Variants in SLFN14 observed in about 807,000 individuals in gnomAD.
The protein encoded by SLFN14 is schlafen family member 14.
In SLFN14, 47 loss-of-function variants were observed where a neutral mutation model predicts 58.6. That is an observed-to-expected ratio of 0.80 (90% confidence interval 0.64 to 1.02). The LOEUF (loss-of-function observed/expected upper bound fraction) is 1.02. SLFN14 is among the 50% of genes least tolerant of loss of function. The probability of loss-of-function intolerance (pLI) is 0.00; values close to 1 mark genes in which losing one functional copy is unlikely to be tolerated. For missense variants in SLFN14, 967 were observed against 1,078.4 expected (o/e 0.90, Z 1.45); for synonymous variants, 390 against 387.3 (o/e 1.01, Z -0.08).
rs531734322 is a variant in SLFN14 at position 35,546,999 on chromosome 17, G to T, written c.*1240C>A. 2.6e-5 allele frequency among the ~76,000 whole-genome samples: 4 copies of T among 152,252 alleles called. No individual in the cohort carries two copies. The highest frequency in any genetic ancestry group is 1.9e-4 in the East Asian group (1 of 5,186). On this transcript the variant is annotated 3_prime_UTR_variant, in exon 6 of 6. Transcript: ENST00000674182. ...TGGAAGAAATCAGAGATGTGCAAAGGCCCCTTGTAGGAAGACTACTTTCCA... is the reference window on the plus strand; with the variant it reads ...TGGAAGAAATCAGAGATGTGCAAAGTCCCCTTGTAGGAAGACTACTTTCCA...
intron 5 of SLFN14, among the ~76,000 whole-genome samples, chr17:35,551,349 A>G (rs9905788): frequency 0.17 from 26,614 of 152,160 alleles, 2,987 homozygotes; most frequent in East Asian, 0.33. Context: ...GCCTACCCTC[A>G]GGAATATTTT....
At chr17:35,551,065 ATGT>A (rs919817001) in intron 5 of SLFN14, among the ~76,000 whole-genome samples, 4 of 152,230 alleles carry the variant, frequency 2.6e-5, no homozygotes, top group Non-Finnish European at 5.9e-5. Flanking sequence ...GGTTCTGTAA[ATGT>A]AAGTTATGCA....
At position 35,557,669 on chromosome 17, in the gene SLFN14, G is replaced by A. The variant is rs199663871; in HGVS notation, c.394C>T (p.Arg132Trp). Residue 132 changes from arginine to tryptophan, a missense_variant, in exon 3 of 6, where the codon CGG becomes TGG. Arg to Trp is a moderately radical substitution (Grantham distance 101). Coordinates refer to ENST00000674182, the MANE Select transcript of SLFN14 (RefSeq NM_001129820.2). The part of the protein sequence containing the change: ...RICSLRSNLY[R>W]RDVTSAINLS... Reference sequence around the variant, plus strand: ...TTGATAGCAGAAGTCACATCTCTCCGATACAAATTGGAGCGCAAGCTGCAA... The same window carrying A: ...TTGATAGCAGAAGTCACATCTCTCCAATACAAATTGGAGCGCAAGCTGCAA... 2.1e-3 allele frequency: 3,198 copies of A among 1,551,668 alleles called. 5 individuals carry two copies. The highest frequency in any genetic ancestry group is 2.6e-3 in the Non-Finnish European group (3,037 of 1,146,980).
In SLFN14 at chr17:35,548,774, G is replaced by A; in HGVS notation, c.2204C>T (p.Ala735Val). 1 of 1,551,712 alleles carries A rather than the reference G, an allele frequency of 6.4e-7. No individual in the cohort carries two copies. Among genetic ancestry groups the A allele is most frequent in the Non-Finnish European group, 8.7e-7 (1 of 1,146,990 alleles). ...TTTCATAACCTTCGCTATTTCCAGAGCACAGTGGATCCCACTGGTGATTGT... is the reference window on the plus strand; with the variant it reads ...TTTCATAACCTTCGCTATTTCCAGAACACAGTGGATCCCACTGGTGATTGT... The part of the protein sequence containing the change: ...RKTITSGIHC[A>V]LEIAKVMKEE... The change falls in exon 6 of 6, where the codon GCT becomes GTT. Residue 735 changes from alanine to valine, a missense_variant. Physicochemically the swap from Ala to Val is moderately conservative, Grantham distance 64. Coordinates refer to ENST00000674182, the MANE Select transcript of SLFN14 (RefSeq NM_001129820.2).
rs9897663 is a variant in SLFN14 at position 35,545,238 on chromosome 17, G to A, written c.*3001C>T. Among the ~76,000 whole-genome samples the A allele has an allele frequency of 0.079, 12,077 of 152,072 alleles. 950 individuals carry two copies. The highest frequency in any genetic ancestry group is 0.2 in the African/African-American group (8,369 of 41,434). On this transcript the variant is annotated 3_prime_UTR_variant, in exon 6 of 6. Coordinates refer to ENST00000674182, the MANE Select transcript of SLFN14 (RefSeq NM_001129820.2). ...TCTAACATTAGAAATTCATACTATC[G>A]AATTGAATCATTGTAGATTCTAGTT...
chr17:35,545,549 C>A lies in SLFN14; in HGVS notation c.*2690G>T, dbSNP rs1311333797. ...TTGCTCTGTAACCCAGGCTGGAGTG[C>A]AGTGGAGTAATCATAGGTCACTGTA... On this transcript the variant is annotated 3_prime_UTR_variant, in exon 6 of 6. Coordinates refer to ENST00000674182, the MANE Select transcript of SLFN14 (RefSeq NM_001129820.2). Among the ~76,000 whole-genome samples the A allele has an allele frequency of 6.6e-6, 1 of 152,084 alleles. No homozygotes were observed. Among genetic ancestry groups the A allele is most frequent in the East Asian group, 1.9e-4 (1 of 5,196 alleles).
chr17:35,558,728 A>G (rs945973749), intron 2 of SLFN14, among the ~76,000 whole-genome samples: 1 of 152,230 alleles, frequency 6.6e-6, no homozygotes. Context: ...GGAAACGCCA[A>G]CACTGAGCCC....
At chr17:35,560,056 T>A (rs909419275) in intron 1 of SLFN14, among the ~76,000 whole-genome samples, 6 of 152,188 alleles carry the variant, frequency 3.9e-5, no homozygotes, top group South Asian at 2.1e-4. Context: ...AATGAGCAAC[T>A]CACTACCTAT....
Position 35,557,206 on chromosome 17 carries a change from T to C in SLFN14, c.857A>G (p.Glu286Gly), listed in dbSNP as rs1396530397. ...EKLPTFHFCCEKPKVNFTTKI... is the reference protein window; with the variant it reads ...EKLPTFHFCCGKPKVNFTTKI... ...TGTAGTGAAATTTACCTTTGGCTTCTCACAGCAGAAGTGGAATGTAGGCAA... is the reference window on the plus strand; with the variant it reads ...TGTAGTGAAATTTACCTTTGGCTTCCCACAGCAGAAGTGGAATGTAGGCAA... The change falls in exon 3 of 6, where the codon GAG becomes GGG. Residue 286 changes from glutamate (E) to glycine (G), a missense_variant. By Grantham distance (98) the Glu-to-Gly change is moderately conservative. Transcript: ENST00000674182. 1.3e-6 allele frequency: 2 copies of C among 1,551,658 alleles called. No homozygotes were observed. The highest frequency in any genetic ancestry group is 3.9e-5 in the Admixed American group (2 of 50,994).
chr17:35,554,755 A>C, intron 3 of SLFN14, 51 bp from the exon 4 acceptor site: 2 of 1,083,440 alleles, frequency 1.8e-6, no homozygotes, highest in South Asian at 2.3e-5. Context: ...AAAGTTAAAA[A>C]AAAAAAAAAA....
Position 35,544,436 on chromosome 17 carries a change from G to A in SLFN14, c.*3803C>T, listed in dbSNP as rs889617485. On this transcript the variant is annotated 3_prime_UTR_variant, in exon 6 of 6. Transcript: ENST00000674182. ...TTGATGGCACAACTTGATCATAACTGTGTGAAAATATTTTTCCATATCAAC... is the reference window on the plus strand; with the variant it reads ...TTGATGGCACAACTTGATCATAACTATGTGAAAATATTTTTCCATATCAAC... Among the ~76,000 whole-genome samples the A allele has an allele frequency of 6.6e-6, 1 of 151,990 alleles. No homozygotes were observed. The highest frequency in any genetic ancestry group is 1.5e-5 in the Non-Finnish European group (1 of 68,020).
intron 3 of SLFN14, among the ~76,000 whole-genome samples, chr17:35,555,264 C>T (rs1356527038): frequency 1.3e-5 from 2 of 151,604 alleles, no homozygotes; most frequent in East Asian, 3.9e-4. Context: ...CCCACCTATT[C>T]GGGAGGCTGA....
At chr17:35,554,829 G>C (rs942772751) in intron 3 of SLFN14, 125 bp from the exon 4 acceptor site, 1 of 763,672 alleles carries the variant, frequency 1.3e-6, no homozygotes, top group African/African-American at 1.8e-5. Flanking sequence ...CTGAGCAGTC[G>C]TACTTACTAT....
At position 35,557,214 on chromosome 17, in the gene SLFN14, G is replaced by T. The variant is rs1319976216; in HGVS notation, c.849C>A (p.Phe283Leu). The T allele has an allele frequency of 6.4e-7, 1 of 1,551,740 alleles. No homozygotes were observed. Among genetic ancestry groups the T allele is most frequent in the Non-Finnish European group, 8.7e-7 (1 of 1,146,996 alleles). Residue 283 changes from phenylalanine (F) to leucine (L), a missense_variant, in exon 3 of 6, where the codon TTC becomes TTA. Coordinates refer to ENST00000674182, the MANE Select transcript of SLFN14 (RefSeq NM_001129820.2). Reference protein sequence around the residue: ...NCIEKLPTFHFCCEKPKVNFT... With the variant: ...NCIEKLPTFHLCCEKPKVNFT... Reference sequence around the variant, plus strand: ...AATTTACCTTTGGCTTCTCACAGCAGAAGTGGAATGTAGGCAATTTTTCTA... The same window carrying T: ...AATTTACCTTTGGCTTCTCACAGCATAAGTGGAATGTAGGCAATTTTTCTA...
Position 35,554,660 on chromosome 17 carries a change from A to C in SLFN14, c.1105T>G (p.Ser369Ala), listed in dbSNP as rs375810840. Residue 369 changes from serine to alanine, a missense_variant, in exon 4 of 6, where the codon TCA becomes GCA. By Grantham distance (99) the Ser-to-Ala change is moderately conservative. Transcript: ENST00000674182. Reference protein sequence around the residue: ...VTDYNSCLISSASSARKSPGY... With the variant: ...VTDYNSCLISAASSARKSPGY... ...GGACTTTTTCGTGCAGATGAAGCTGATGAAATCAGGCAAGAGTTGTAGTCT... is the reference window on the plus strand; with the variant it reads ...GGACTTTTTCGTGCAGATGAAGCTGCTGAAATCAGGCAAGAGTTGTAGTCT... 19 of 1,496,742 alleles carry C rather than the reference A, an allele frequency of 1.3e-5. No homozygotes were observed. Among genetic ancestry groups the C allele is most frequent in the Non-Finnish European group, 1.7e-5 (19 of 1,116,626 alleles). 92.7% of individuals were successfully genotyped at this position (1,496,742 alleles called of 1,614,324 possible).
rs900339092 is a variant in SLFN14, at chr17:35,547,671, G to C, written c.*568C>G. On this transcript the variant is annotated 3_prime_UTR_variant, in exon 6 of 6. Transcript: ENST00000674182. ...CAAGTTCTGGACCTGGAAAGCTTGA[G>C]ACCCATAGCCAGTATGAGGTGCCAG... Among the ~76,000 whole-genome samples, 2 of 152,188 alleles carry C rather than the reference G, an allele frequency of 1.3e-5. No individual in the cohort carries two copies. Among genetic ancestry groups the C allele is most frequent in the African/African-American group, 4.8e-5 (2 of 41,440 alleles).
chr17:35,552,708 G>T, intron 5 of SLFN14, 22 bp downstream of exon 5: 5 of 1,487,608 alleles, frequency 3.4e-6, no homozygotes, highest in Non-Finnish European at 4.5e-6. Context: ...TTTTGTGTGT[G>T]TGTAGTTGGT....
At chr17:35,556,692 C>G (rs1050770963) in intron 3 of SLFN14, among the ~76,000 whole-genome samples, 3 of 152,020 alleles carry the variant, frequency 2.0e-5, no homozygotes, top group Non-Finnish European at 4.4e-5. Context: ...GGCTGAAGCA[C>G]GAGAATCACT....
At chr17:35,555,644 G>A (rs1478493505) in intron 3 of SLFN14, among the ~76,000 whole-genome samples, 3 of 151,980 alleles carry the variant, frequency 2.0e-5, no homozygotes, top group African/African-American at 4.8e-5. Flanking sequence ...GAGAGGAGAA[G>A]AGAAGTGAAC....
Sources: gnomAD v4.1 joint callset for allele counts (sites outside exome capture counted in the v4.1 genomes callset) on GRCh38, gnomAD v4.1.1 for gene constraint, MANE v1.5 for transcripts, NCBI Gene and HGNC (gene_info 2026-07-23, HGNC 2026-07-21) for gene names.